The following GABRB1 variants were observed in gnomAD, a reference collection of about 807,000 sequenced individuals.
GABRB1 encodes the protein gamma-aminobutyric acid type A receptor subunit beta1.
In GABRB1, 17 loss-of-function variants were observed where a neutral mutation model predicts 51.6. The observed-to-expected ratio is 0.33, with a 90% CI of 0.23 to 0.49. GABRB1 has a LOEUF of 0.49. Ranked by LOEUF, GABRB1 falls within the 20% of genes least tolerant of loss-of-function variation. GABRB1 has a pLI of 0.99. For missense variants in GABRB1, 410 were observed against 600.6 expected (o/e 0.68, Z 3.32); for synonymous variants, 247 against 218.9 (o/e 1.13, Z -1.14).
chr4:47,425,003 A>G (rs1401984287), intron 8 of GABRB1, among the ~76,000 whole-genome samples: 1 of 152,254 alleles, frequency 6.6e-6, no homozygotes, highest in Non-Finnish European at 1.5e-5. Context: ...AATTATGGAT[A>G]TGCACAAAGA....
intron 3 of GABRB1, among the ~76,000 whole-genome samples, chr4:47,098,808 A>G (rs989351353): frequency 6.6e-6 from 1 of 152,082 alleles, no homozygotes; most frequent in Non-Finnish European, 1.5e-5. Context: ...GTCAATCCAG[A>G]GTTTTGCTAA....
chr4:47,040,914 C>T (rs760125871), intron 3 of GABRB1, among the ~76,000 whole-genome samples: 13 of 152,066 alleles, frequency 8.5e-5, no homozygotes, highest in East Asian at 1.9e-4. Context: ...CTTCCAGAGG[C>T]GTGATCTTTG....
At chr4:47,099,033 T>C (rs758196012) in intron 3 of GABRB1, among the ~76,000 whole-genome samples, 4 of 152,090 alleles carry the variant, frequency 2.6e-5, no homozygotes, top group Admixed American at 6.6e-5. Context: ...TTCTGACTTC[T>C]AGGGTAATAC....
intron 4 of GABRB1, among the ~76,000 whole-genome samples, chr4:47,226,448 A>G (rs1720946267): frequency 6.6e-6 from 1 of 152,148 alleles, no homozygotes; most frequent in Non-Finnish European, 1.5e-5. Context: ...GCCAAGAAGC[A>G]GAACACAGCT....
chr4:47,058,033 T>A (rs1726694287), intron 3 of GABRB1, among the ~76,000 whole-genome samples: 1 of 152,176 alleles, frequency 6.6e-6, no homozygotes, highest in African/African-American at 2.4e-5. Context: ...GCACAGATTT[T>A]TCATGAGAAT....
chr4:47,414,181 A>C (rs578027611), intron 8 of GABRB1, among the ~76,000 whole-genome samples: 1 of 152,340 alleles, frequency 6.6e-6, no homozygotes, highest in South Asian at 2.1e-4. Context: ...AACTCTGAGA[A>C]TCTGAGACAT....
chr4:47,107,846 A>T (rs900287773), intron 3 of GABRB1, among the ~76,000 whole-genome samples: 1 of 152,104 alleles, frequency 6.6e-6, no homozygotes, highest in Non-Finnish European at 1.5e-5. Context: ...AAAAGAGCTC[A>T]TATTTTAGGA....
chr4:47,344,108 C>T (rs1183112087), intron 5 of GABRB1, among the ~76,000 whole-genome samples: 1 of 152,090 alleles, frequency 6.6e-6, no homozygotes, highest in East Asian at 1.9e-4. Context: ...AGGCTGAGAA[C>T]CTGAAATTTG....
At chr4:47,366,162 A>C (rs1360361136) in intron 5 of GABRB1, among the ~76,000 whole-genome samples, 14 of 152,164 alleles carry the variant, frequency 9.2e-5, no homozygotes, top group African/African-American at 3.1e-4. Flanking sequence ...TCATAAAGCT[A>C]TTGTGCCATC....
intron 4 of GABRB1, among the ~76,000 whole-genome samples, chr4:47,273,406 T>C (rs1379669999): frequency 1.3e-5 from 2 of 152,216 alleles, no homozygotes; most frequent in African/African-American, 4.8e-5. Context: ...GCCAATCTTG[T>C]GTGCAACACA....
intron 3 of GABRB1, among the ~76,000 whole-genome samples, chr4:47,111,496 A>T (rs944779123): frequency 6.6e-6 from 1 of 152,148 alleles, no homozygotes; most frequent in African/African-American, 2.4e-5. Context: ...GGGACAGAGG[A>T]CAGTAGAATT....
At chr4:47,313,293 C>T (rs776085154) in intron 4 of GABRB1, among the ~76,000 whole-genome samples, 10 of 152,246 alleles carry the variant, frequency 6.6e-5, no homozygotes, top group Non-Finnish European at 1.2e-4. Context: ...CTTTCATTTG[C>T]TATCCACCAA....
chr4:47,218,789 A>G (rs573798498), intron 4 of GABRB1, among the ~76,000 whole-genome samples: 21 of 151,752 alleles, frequency 1.4e-4, no homozygotes, highest in Non-Finnish European at 2.4e-4. Flanking sequence ...TTCAAAGTTC[A>G]TGAGTGATAA....
intron 4 of GABRB1, among the ~76,000 whole-genome samples, chr4:47,187,823 T>G (rs979436889): frequency 6.6e-6 from 1 of 151,932 alleles, no homozygotes; most frequent in Admixed American, 6.6e-5. Flanking sequence ...AAGACTTTGT[T>G]GTTCATACAT....
intron 4 of GABRB1, among the ~76,000 whole-genome samples, chr4:47,245,657 C>A (rs987361828): frequency 6.6e-6 from 1 of 151,994 alleles, no homozygotes; most frequent in East Asian, 1.9e-4. Flanking sequence ...GAAAAGTAAA[C>A]CATAGGGTCT....
chr4:47,386,515 T>C (rs909793320), intron 5 of GABRB1, among the ~76,000 whole-genome samples: 64 of 152,224 alleles, frequency 4.2e-4, no homozygotes, highest in Admixed American at 7.2e-4. Flanking sequence ...CACTGTGTAT[T>C]GGGGCCATTG....
intron 4 of GABRB1, 60 bp downstream of exon 4, chr4:47,161,529 T>C: frequency 2.8e-6 from 4 of 1,433,096 alleles, no homozygotes; most frequent in Non-Finnish European, 3.9e-6. Context: ...TTTTAAACTT[T>C]TGGAAGTGGG....
At chr4:47,128,333 G>A (rs1177640908) in intron 3 of GABRB1, among the ~76,000 whole-genome samples, 4 of 151,748 alleles carry the variant, frequency 2.6e-5, no homozygotes, top group East Asian at 1.9e-4. Flanking sequence ...CTTAAGCTTG[G>A]AAGAGAGAAT....
At chr4:47,327,440 A>G (rs1725301267) in intron 5 of GABRB1, among the ~76,000 whole-genome samples, 1 of 152,212 alleles carries the variant, frequency 6.6e-6, no homozygotes, top group African/African-American at 2.4e-5. Context: ...TCTAACATTT[A>G]TATTACTTTA....
Sources: gnomAD v4.1 joint callset for allele counts (sites outside exome capture counted in the v4.1 genomes callset) on GRCh38, gnomAD v4.1.1 for gene constraint, MANE v1.5 for transcripts, NCBI Gene and HGNC (gene_info 2026-07-23, HGNC 2026-07-21) for gene names.